ARHGAP15: variants seen among roughly 807,000 people sequenced by gnomAD.
ARHGAP15 encodes rho GTPase-activating protein 15.
In ARHGAP15, 51 loss-of-function variants were observed where a neutral mutation model predicts 63.7. That is an observed-to-expected ratio of 0.80 (90% CI 0.64 to 1.01). The LOEUF is 1.01. ARHGAP15 is among the 50% of genes least tolerant of loss of function. The probability of loss-of-function intolerance (pLI) is 0.00; values close to 1 mark genes in which losing one functional copy is unlikely to be tolerated. For missense variants in ARHGAP15, 560 were observed against 564.6 expected (o/e 0.99, Z 0.08); for synonymous variants, 191 against 193.8 (o/e 0.99, Z 0.12).
chr2:143,134,124 T>C (rs1224483597), intron 1 of ARHGAP15, among the ~76,000 whole-genome samples: 7 of 32,106 alleles, frequency 2.2e-4, no homozygotes, highest in African/African-American at 4.3e-4. Flanking sequence ...TCTATCTATC[T>C]ATCTATCTAT....
chr2:143,580,042 T>C (rs1696834055), intron 11 of ARHGAP15, among the ~76,000 whole-genome samples: 1 of 149,436 alleles, frequency 6.7e-6, no homozygotes, highest in African/African-American at 2.5e-5. Flanking sequence ...AGAAAAGTTC[T>C]TTTTATTTCT....
chr2:143,529,203 T>C (rs899100400), intron 10 of ARHGAP15, among the ~76,000 whole-genome samples: 5 of 152,086 alleles, frequency 3.3e-5, no homozygotes, highest in African/African-American at 1.2e-4. Context: ...AGCATTACAA[T>C]CTATATTCCC....
chr2:143,395,823 C>T (rs541342000), intron 6 of ARHGAP15, among the ~76,000 whole-genome samples: 17 of 152,068 alleles, frequency 1.1e-4, no homozygotes, highest in South Asian at 2.1e-4. Flanking sequence ...TAGACAGAAA[C>T]GTAATACAGG....
At chr2:143,486,116 G>A (rs1435504483) in intron 8 of ARHGAP15, among the ~76,000 whole-genome samples, 1 of 151,980 alleles carries the variant, frequency 6.6e-6, no homozygotes, top group Non-Finnish European at 1.5e-5. Flanking sequence ...CCCTGGACCA[G>A]GTAGATTTTC....
chr2:143,467,369 T>C (rs986254294), intron 8 of ARHGAP15, among the ~76,000 whole-genome samples: 9 of 150,664 alleles, frequency 6.0e-5, no homozygotes, highest in Non-Finnish European at 1.2e-4. Flanking sequence ...GTGGCAAATA[T>C]TGAGTAAAGA....
chr2:143,723,968 A>G (rs1685172893), intron 13 of ARHGAP15, among the ~76,000 whole-genome samples: 2 of 152,190 alleles, frequency 1.3e-5, no homozygotes, highest in Non-Finnish European at 2.9e-5. Context: ...GAGGTTCCAC[A>G]GTGACTTCAG....
chr2:143,269,246 T>G (rs373460694), intron 6 of ARHGAP15, among the ~76,000 whole-genome samples: 1 of 152,130 alleles, frequency 6.6e-6, no homozygotes. Flanking sequence ...CGGTCAGAGA[T>G]AAAGATATAG....
intron 11 of ARHGAP15, among the ~76,000 whole-genome samples, chr2:143,574,631 AGGG>A (rs1559059047): frequency 6.6e-5 from 10 of 152,190 alleles, no homozygotes; most frequent in African/African-American, 2.4e-4. Context: ...TATGACGAGC[AGGG>A]AGTGTCCCCA....
chr2:143,591,995 C>T (rs769472419), intron 11 of ARHGAP15, among the ~76,000 whole-genome samples: 1 of 151,850 alleles, frequency 6.6e-6, no homozygotes, highest in Non-Finnish European at 1.5e-5. Context: ...TTTATTTTGC[C>T]CAAATAAAGC....
At chr2:143,742,890 TCA>T (rs905890007) in intron 13 of ARHGAP15, among the ~76,000 whole-genome samples, 7 of 152,172 alleles carry the variant, frequency 4.6e-5, no homozygotes, top group Non-Finnish European at 8.8e-5. Context: ...ATATTCTCCT[TCA>T]CAGACTTTTC....
At chr2:143,301,781 A>T (rs1052818431) in intron 6 of ARHGAP15, among the ~76,000 whole-genome samples, 1 of 151,712 alleles carries the variant, frequency 6.6e-6, no homozygotes, top group Non-Finnish European at 1.5e-5. Flanking sequence ...ACATGGACGG[A>T]TGTATCTATA....
chr2:143,191,817 T>C (rs1445950707), intron 2 of ARHGAP15, among the ~76,000 whole-genome samples: 1 of 152,224 alleles, frequency 6.6e-6, no homozygotes, highest in African/African-American at 2.4e-5. Flanking sequence ...CTTTGACTAG[T>C]TCTCTTTTAG....
At chr2:143,414,373 G>A (rs1688589308) in intron 6 of ARHGAP15, among the ~76,000 whole-genome samples, 1 of 151,756 alleles carries the variant, frequency 6.6e-6, no homozygotes, top group Non-Finnish European at 1.5e-5. Flanking sequence ...ATAAGAAAAT[G>A]GCTACAAGTA....
Position 143,289,114 on chromosome 2 carries a change from G to A in ARHGAP15, c.474+38514G>A, listed in dbSNP as rs560465850. On this transcript the variant is annotated intron_variant, in intron 6 of 13. Coordinates refer to ENST00000295095, the MANE Select transcript of ARHGAP15 (RefSeq NM_018460.4). ...AGAACCAAACAGTGTGTTTGCAAAA[G>A]AGCATTTTTATATGTTTTCTTGTGA... 2.0e-5 allele frequency among the ~76,000 whole-genome samples: 3 copies of A among 152,214 alleles called. No individual in the cohort carries two copies. The South Asian group carries it at 6.2e-4, about 32-fold the overall frequency.
chr2:143,234,869 CT>C (rs1285241667), intron 5 of ARHGAP15, among the ~76,000 whole-genome samples: 4 of 152,156 alleles, frequency 2.6e-5, no homozygotes, highest in African/African-American at 9.7e-5. Context: ...ATTCCCACCC[CT>C]AAAAAATATT....
In ARHGAP15 at chr2:143,711,780, T is replaced by C. The variant is rs551447433; in HGVS notation, c.1244+8256T>C. On this transcript the variant is annotated intron_variant, in intron 13 of 13. Transcript: ENST00000295095. Reference sequence around the variant, plus strand: ...CTCATCTCTACAAAACATTAAAAAATTAGCCAGACATTGTGGCATGCATCT... The same window carrying C: ...CTCATCTCTACAAAACATTAAAAAACTAGCCAGACATTGTGGCATGCATCT... Among the ~76,000 whole-genome samples, 5 of 152,186 alleles carry C rather than the reference T, an allele frequency of 3.3e-5. No homozygotes were observed. The South Asian group carries it at 1.0e-3, about 32-fold the overall frequency.
chr2:143,345,891 G>A (rs899316982), intron 6 of ARHGAP15, among the ~76,000 whole-genome samples: 1 of 151,908 alleles, frequency 6.6e-6, no homozygotes, highest in Non-Finnish European at 1.5e-5. Context: ...CTCAGTGAAC[G>A]GAGATCTCTG....
chr2:143,506,366 C>T (rs1426001315), intron 9 of ARHGAP15, among the ~76,000 whole-genome samples: 1 of 152,160 alleles, frequency 6.6e-6, no homozygotes, highest in Non-Finnish European at 1.5e-5. Flanking sequence ...CAAACAAATG[C>T]AATTAATAAT....
At chr2:143,582,043 C>A (rs777636471) in intron 11 of ARHGAP15, among the ~76,000 whole-genome samples, 2 of 152,162 alleles carry the variant, frequency 1.3e-5, no homozygotes, top group Non-Finnish European at 2.9e-5. Flanking sequence ...GGCTGAGCAG[C>A]CCCATTGGAG....
Sources: allele counts gnomAD v4.1 joint callset (sites outside exome capture counted in the v4.1 genomes callset), GRCh38; gene constraint gnomAD v4.1.1; transcripts MANE v1.5; gene names NCBI Gene and HGNC (gene_info 2026-07-23, HGNC 2026-07-21).